ZFAND3: variants seen among roughly 807,000 people sequenced by gnomAD.
ZFAND3 encodes zinc finger AN1-type containing 3, also known as AN1-type zinc finger protein 3.
A neutral mutation model predicts 29.6 loss-of-function variants in ZFAND3; 10 were observed. The ratio of observed to expected loss-of-function variants is 0.34; its 90% CI spans 0.21 to 0.57. The LOEUF (loss-of-function observed/expected upper bound fraction) is 0.57. Ranked by LOEUF, ZFAND3 falls within the 20% of genes least tolerant of loss-of-function variation. ZFAND3 has a pLI of 0.86. For synonymous variants in ZFAND3, 128 were observed against 112.6 expected (o/e 1.14, Z -0.87); for missense variants, 230 against 304.5 (o/e 0.76, Z 1.82).
chr6:38,131,702 G>T (rs377759828), intron 5 of ZFAND3, among the ~76,000 whole-genome samples: 36 of 152,336 alleles, frequency 2.4e-4, no homozygotes, highest in East Asian at 2.1e-3. Context: ...GCAGGCAGGA[G>T]TACATGATGC....
chr6:37,842,848 G>T (rs1406758317), intron 1 of ZFAND3, among the ~76,000 whole-genome samples: 1 of 152,138 alleles, frequency 6.6e-6, no homozygotes, highest in Non-Finnish European at 1.5e-5. Context: ...CTTTCTGGGT[G>T]TGGTGGCTCA....
At chr6:37,875,837 T>A (rs199680874) in intron 1 of ZFAND3, among the ~76,000 whole-genome samples, 8 of 95,550 alleles carry the variant, frequency 8.4e-5, no homozygotes, top group African/African-American at 3.6e-4. Context: ...TTTTGATTTT[T>A]TTTTTTTTTT....
chr6:37,864,081 T>G (rs1037500460), intron 1 of ZFAND3, among the ~76,000 whole-genome samples: 1 of 152,242 alleles, frequency 6.6e-6, no homozygotes, highest in Non-Finnish European at 1.5e-5. Context: ...TTGCACCTTA[T>G]GTTTAATGAA....
rs560002242 is a variant in ZFAND3 at position 38,053,990 on chromosome 6, A to C, written c.113-7603A>C. Reference sequence around the variant, plus strand: ...CTCAAATTGCAGATTCATGGACATAAATAGGGAACATAGGATAGGAGTCAT... The same window carrying C: ...CTCAAATTGCAGATTCATGGACATACATAGGGAACATAGGATAGGAGTCAT... On this transcript the variant is annotated intron_variant, in intron 2 of 5. Coordinates refer to ENST00000287218, the MANE Select transcript of ZFAND3 (RefSeq NM_021943.3). Among the ~76,000 whole-genome samples the C allele has an allele frequency of 3.1e-3, 468 of 152,178 alleles. 3 individuals carry two copies. The highest frequency in any genetic ancestry group is 0.011 in the African/African-American group (445 of 41,506).
intron 1 of ZFAND3, 147 bp downstream of exon 1, chr6:37,820,163 C>G (rs1763635616): frequency 7.4e-6 from 1 of 135,106 alleles, no homozygotes; most frequent in Admixed American, 8.7e-5. Flanking sequence ...GGGTCGCGTT[C>G]CGGGGAGGGG....
In ZFAND3 at chr6:37,929,408, T is replaced by G. The variant is rs1053976170; in HGVS notation, c.72-551T>G. Among the ~76,000 whole-genome samples the G allele has an allele frequency of 2.0e-5, 3 of 152,208 alleles. No homozygotes were observed. The South Asian group carries it at 6.2e-4, about 32-fold the overall frequency. On this transcript the variant is annotated intron_variant, in intron 1 of 5. Coordinates refer to ENST00000287218, the MANE Select transcript of ZFAND3 (RefSeq NM_021943.3). The stretch of plus-strand genomic sequence containing the variant: ...TGGATGAAAGGACATGAAAACTAAT[T>G]TGATTGGCGTATCTGAAGAAAGAAT...
At chr6:37,882,309 C>G (rs1221313280) in intron 1 of ZFAND3, among the ~76,000 whole-genome samples, 1 of 152,140 alleles carries the variant, frequency 6.6e-6, no homozygotes, top group Admixed American at 6.5e-5. Context: ...GTAGGCTCTT[C>G]AGATTCTGTT....
Position 38,152,884 on chromosome 6 carries a change from C to T in ZFAND3, c.*495C>T, listed in dbSNP as rs876818. The T allele has an allele frequency of 0.088, 86,827 of 985,826 alleles. 4,199 individuals carry two copies. The highest frequency in any genetic ancestry group is 0.3 in the East Asian group (2,603 of 8,810). 61.1% of individuals were successfully genotyped at this position (985,826 alleles called of 1,614,324 possible). The stretch of plus-strand genomic sequence containing the variant: ...CTGATGGCCACGTGTGCCTTGGCCA[C>T]GGGAGGCTGCTGAGATTGGCCACGT... On this transcript the variant is annotated 3_prime_UTR_variant, in exon 6 of 6. Transcript: ENST00000287218.
At chr6:37,821,483 A>G (rs1485648644) in intron 1 of ZFAND3, among the ~76,000 whole-genome samples, 16 of 152,128 alleles carry the variant, frequency 1.1e-4, no homozygotes, top group Admixed American at 4.6e-4. Context: ...AGGAACCATT[A>G]TCTCATTATT....
intron 1 of ZFAND3, among the ~76,000 whole-genome samples, chr6:37,825,237 C>T (rs1383148534): frequency 6.6e-6 from 1 of 152,182 alleles, no homozygotes; most frequent in Non-Finnish European, 1.5e-5. Flanking sequence ...ATCATGTGAA[C>T]ACAGTATGAA....
At position 37,819,884 on chromosome 6, in the gene ZFAND3, C is replaced by G. The variant is rs1763626345; in HGVS notation, c.-62C>G. 2 of 1,147,050 alleles carry G rather than the reference C, an allele frequency of 1.7e-6. No individual in the cohort carries two copies. The highest frequency in any genetic ancestry group is 4.7e-5 in the Admixed American group (1 of 21,124). The allele number at this position is 1,147,050 out of a possible 1,614,324, so 71.1% of individuals were successfully genotyped here. A position where few individuals can be genotyped will look rare whatever the true frequency, so the allele number is the denominator to read the frequency against. On this transcript the variant is annotated 5_prime_UTR_variant, in exon 1 of 6. Transcript: ENST00000287218. ...CGCCGCCGCCACCGCCTCCTCAGAGCGGGGCCCGGGCCCAGCCGCCGCCAC... is the reference window on the plus strand; with the variant it reads ...CGCCGCCGCCACCGCCTCCTCAGAGGGGGGCCCGGGCCCAGCCGCCGCCAC...
chr6:37,933,236 C>G, intron 2 of ZFAND3, among the ~76,000 whole-genome samples: 1 of 152,158 alleles, frequency 6.6e-6, no homozygotes, highest in East Asian at 1.9e-4. Context: ...CTAGGTTAAA[C>G]ATTTTCTTTT....
chr6:38,137,205 GAA>G (rs1414162381), intron 5 of ZFAND3, among the ~76,000 whole-genome samples: 1 of 152,218 alleles, frequency 6.6e-6, no homozygotes, highest in African/African-American at 2.4e-5. Flanking sequence ...AGGCTCCTAT[GAA>G]TAACGGCAAT....
chr6:37,847,358 G>C (rs1022053837), intron 1 of ZFAND3, among the ~76,000 whole-genome samples: 1 of 151,902 alleles, frequency 6.6e-6, no homozygotes, highest in African/African-American at 2.4e-5. Context: ...GGCGGATCAC[G>C]AGGTCAGGAG....
chr6:37,854,731 A>T (rs927570041), intron 1 of ZFAND3, among the ~76,000 whole-genome samples: 2 of 146,910 alleles, frequency 1.4e-5, no homozygotes, highest in African/African-American at 2.5e-5. Flanking sequence ...TAACTGTATT[A>T]TATTTTATTA....
intron 1 of ZFAND3, among the ~76,000 whole-genome samples, chr6:37,843,650 T>G (rs1441066808): frequency 1.3e-4 from 20 of 152,212 alleles, no homozygotes; most frequent in Non-Finnish European, 7.3e-5. Context: ...GACCAGTGTT[T>G]GCTTAATGGC....
intron 5 of ZFAND3, among the ~76,000 whole-genome samples, chr6:38,123,306 A>G (rs1240472338): frequency 1.3e-5 from 2 of 152,190 alleles, no homozygotes; most frequent in African/African-American, 4.8e-5. Flanking sequence ...CATGTTGGGG[A>G]CATGCATTAC....
At chr6:37,973,265 T>C (rs1762422393) in intron 2 of ZFAND3, among the ~76,000 whole-genome samples, 1 of 152,232 alleles carries the variant, frequency 6.6e-6, no homozygotes, top group Non-Finnish European at 1.5e-5. Flanking sequence ...AAAAAAATTC[T>C]ATGCTCCATT....
At chr6:38,035,529 A>G (rs914519882) in intron 2 of ZFAND3, among the ~76,000 whole-genome samples, 1 of 152,204 alleles carries the variant, frequency 6.6e-6, no homozygotes, top group Admixed American at 6.5e-5. Flanking sequence ...TGAGTTATCA[A>G]TATTGTTTAT....
Sources: allele counts gnomAD v4.1 joint callset (sites outside exome capture counted in the v4.1 genomes callset), GRCh38; gene constraint gnomAD v4.1.1; transcripts MANE v1.5; gene names NCBI Gene and HGNC (gene_info 2026-07-23, HGNC 2026-07-21).